PTPRJ: variants seen among roughly 807,000 people sequenced by gnomAD.
PTPRJ encodes protein tyrosine phosphatase receptor type J.
In PTPRJ, 129 loss-of-function variants were observed where a neutral mutation model predicts 141.3. The observed-to-expected ratio is 0.91, with a 90% CI of 0.79 to 1.06. The LOEUF is 1.06. PTPRJ is among the 50% of genes least tolerant of loss of function. The probability of loss-of-function intolerance (pLI) is 0.00; values close to 1 mark genes in which losing one functional copy is unlikely to be tolerated. For synonymous variants in PTPRJ, 610 were observed against 640.5 expected, an observed-to-expected ratio of 0.95 and a Z score of 0.72; for missense variants, 1,601 against 1,679.7, an observed-to-expected ratio of 0.95 and a Z score of 0.82.
At chr11:48,027,756 A>G (rs1853859142) in intron 1 of PTPRJ, among the ~76,000 whole-genome samples, 1 of 127,326 alleles carries the variant, frequency 7.9e-6, no homozygotes, top group Non-Finnish European at 1.5e-5. Flanking sequence ...ATGCCACTGC[A>G]CTCTGGCCTG....
Position 48,112,936 on chromosome 11 carries a change from G to A in PTPRJ, c.305G>A (p.Gly102Glu). ...ANDSLRTPEQ[G>E]SNGTDGASQK... ...GATAGTTTAAGAACACCTGAACAAG[G>A]ATCTAATGGGACTGATGGGGCATCT... Residue 102 changes from glycine (G) to glutamate (E), a missense_variant, in exon 3 of 25, where the codon GGA (glycine) becomes GAA (glutamate). By Grantham distance (98) the Gly-to-Glu change is moderately conservative. Coordinates refer to ENST00000418331, the MANE Select transcript of PTPRJ (RefSeq NM_002843.4). The A allele has an allele frequency of 6.2e-7, 1 of 1,614,192 alleles. No individual in the cohort carries two copies. Among genetic ancestry groups the A allele is most frequent in the Non-Finnish European group, 8.5e-7 (1 of 1,180,036 alleles).
intron 1 of PTPRJ, among the ~76,000 whole-genome samples, chr11:48,020,335 T>A (rs986423373): frequency 6.6e-6 from 1 of 152,204 alleles, no homozygotes; most frequent in African/African-American, 2.4e-5. Flanking sequence ...TTATCTCAGC[T>A]GGTGTTATGA....
Position 48,164,386 on chromosome 11 carries a change from G to T in PTPRJ, c.3726G>T (p.Gly1242=), listed in dbSNP as rs1369475595. 5.6e-6 allele frequency: 9 copies of T among 1,613,854 alleles called. No homozygotes were observed. Among genetic ancestry groups the T allele is most frequent in the Non-Finnish European group, 7.6e-6 (9 of 1,179,938 alleles). Residue 1242 remains glycine (G), a synonymous_variant, in exon 24 of 25, where the codon GGG becomes GGT. Transcript: ENST00000418331. ...TATTTCTCTTTTCTCTCAGTGCTGG[G>T]GTCGGAAGGACGGGCACTTTCATTG... ...ESPILVHCSA[G]VGRTGTFIAI...
At chr11:48,005,839 A>C (rs1002876541) in intron 1 of PTPRJ, among the ~76,000 whole-genome samples, 15 of 152,198 alleles carry the variant, frequency 9.9e-5, no homozygotes, top group African/African-American at 3.6e-4. Context: ...GGACTCTCTG[A>C]GACAGGGTTA....
intron 1 of PTPRJ, among the ~76,000 whole-genome samples, chr11:48,043,715 G>C (rs1565273339): frequency 1.3e-5 from 2 of 152,166 alleles, no homozygotes; most frequent in Non-Finnish European, 2.9e-5. Context: ...AATGGACGGT[G>C]GGATCCTTGA....
At chr11:48,113,424 C>T (rs1688519157) in intron 3 of PTPRJ, among the ~76,000 whole-genome samples, 1 of 152,156 alleles carries the variant, frequency 6.6e-6, no homozygotes, top group Non-Finnish European at 1.5e-5. Flanking sequence ...TAATAATGGT[C>T]CTTGGGCCAA....
rs1309729270 is a variant in PTPRJ at position 48,156,575 on chromosome 11, GGTTTTT to G, written c.3438+457_3438+462del. Among the ~76,000 whole-genome samples the G allele has an allele frequency of 1.1e-3, 134 of 123,498 alleles. 16 individuals carry two copies. The highest frequency in any genetic ancestry group is 3.7e-3 in the African/African-American group (122 of 33,052). 81.0% of individuals were successfully genotyped at this position (123,498 alleles called of 152,430 possible). A position where few individuals can be genotyped will look rare whatever the true frequency, so the allele number is the denominator to read the frequency against. ...TGAACCCCTCCTGCCTCCACCCCAG[GGTTTTT>G]TTTTTTTTTTTTTTTTTTTTTTTTT... On this transcript the variant is annotated intron_variant, in intron 21 of 24. Coordinates refer to ENST00000418331, the MANE Select transcript of PTPRJ (RefSeq NM_002843.4).
chr11:48,156,562 G>T, intron 21 of PTPRJ, among the ~76,000 whole-genome samples: 1 of 148,862 alleles, frequency 6.7e-6, no homozygotes, highest in Non-Finnish European at 1.5e-5. Context: ...AACCCCTCCT[G>T]CCTCCACCCC....
At chr11:48,159,666 G>A (rs968598644) in intron 21 of PTPRJ, among the ~76,000 whole-genome samples, 7 of 152,200 alleles carry the variant, frequency 4.6e-5, no homozygotes, top group Non-Finnish European at 1.0e-4. Flanking sequence ...TGAGGCATGA[G>A]GATTGCTTGA....
At chr11:48,101,211 A>G (rs544872572) in intron 1 of PTPRJ, among the ~76,000 whole-genome samples, 2 of 152,300 alleles carry the variant, frequency 1.3e-5, no homozygotes, top group East Asian at 3.9e-4. Flanking sequence ...GAAAAAATGC[A>G]AGAAGTTAGG....
At position 48,123,741 on chromosome 11, in the gene PTPRJ, T is replaced by G; in HGVS notation, c.745T>G (p.Leu249Val). 5 of 1,613,602 alleles carry G rather than the reference T, an allele frequency of 3.1e-6. No individual in the cohort carries two copies. Among genetic ancestry groups the G allele is most frequent in the Non-Finnish European group, 4.2e-6 (5 of 1,179,904 alleles). ...TGAAAGCATTGGAAGCCATGAGGAG[T>G]TGACTCAAGACTCAAGACTTCAGGT... is the stretch of plus-strand genomic sequence containing the variant. ...LLESIGSHEE[L>V]TQDSRLQVNI... The change falls in exon 5 of 25, where the codon TTG (leucine) becomes GTG (valine). Residue 249 changes from leucine to valine, a missense_variant. Physicochemically the swap from Leu to Val is conservative, Grantham distance 32. Coordinates refer to ENST00000418331, the MANE Select transcript of PTPRJ (RefSeq NM_002843.4).
intron 1 of PTPRJ, among the ~76,000 whole-genome samples, chr11:48,026,318 A>C (rs186298164): frequency 1.3e-5 from 2 of 152,268 alleles, no homozygotes; most frequent in East Asian, 3.9e-4. Flanking sequence ...GGAAAGGGGC[A>C]GTTGGCTGGA....
intron 1 of PTPRJ, among the ~76,000 whole-genome samples, chr11:47,989,940 A>G (rs1422061759): frequency 6.6e-6 from 1 of 152,218 alleles, no homozygotes; most frequent in South Asian, 2.1e-4. Flanking sequence ...AATGCTAATA[A>G]TAGGAGTACC....
intron 1 of PTPRJ, among the ~76,000 whole-genome samples, chr11:48,046,030 C>T (rs1014174881): frequency 6.6e-6 from 1 of 152,066 alleles, no homozygotes; most frequent in African/African-American, 2.4e-5. Flanking sequence ...CCGGGTTGAG[C>T]ACAGTTCCAT....
intron 3 of PTPRJ, among the ~76,000 whole-genome samples, chr11:48,119,251 C>T (rs1186083130): frequency 6.6e-6 from 1 of 152,128 alleles, no homozygotes; most frequent in Non-Finnish European, 1.5e-5. Flanking sequence ...TCCAAATATG[C>T]CACTCTGACT....
rs71045547 is a variant in PTPRJ, at chr11:48,131,070, ATTTTTTTTTTT to A, written c.1615+371_1615+381del. On this transcript the variant is annotated intron_variant, in intron 8 of 24. Transcript: ENST00000418331. ...CACACACATATATATATATATATAT[ATTTTTTTTTTT>A]TTTTTTTTTTTTTTTTGAGACAGTC... 5.8e-3 allele frequency among the ~76,000 whole-genome samples: 271 copies of A among 46,552 alleles called. 1 individual carries two copies. The highest frequency in any genetic ancestry group is 0.018 in the African/African-American group (260 of 14,636). 30.5% of individuals were successfully genotyped at this position (46,552 alleles called of 152,430 possible). A position where few individuals can be genotyped will look rare whatever the true frequency, so the allele number is the denominator to read the frequency against.
intron 1 of PTPRJ, among the ~76,000 whole-genome samples, chr11:48,092,861 T>A (rs1855907009): frequency 6.6e-6 from 1 of 152,242 alleles, no homozygotes; most frequent in Non-Finnish European, 1.5e-5. Flanking sequence ...TTCCATGTCT[T>A]GGCTATTGTG....
intron 1 of PTPRJ, among the ~76,000 whole-genome samples, chr11:48,018,626 A>G (rs1590407633): frequency 6.6e-6 from 1 of 152,256 alleles, no homozygotes; most frequent in East Asian, 1.9e-4. Context: ...TCACAAGAGA[A>G]GCAGTTTCAG....
Position 48,162,890 on chromosome 11 carries a change from C to T in PTPRJ, c.3559-568C>T, listed in dbSNP as rs566097920. Among the ~76,000 whole-genome samples, 8 of 152,324 alleles carry T rather than the reference C, an allele frequency of 5.3e-5. No homozygotes were observed. In the South Asian group the frequency reaches 1.7e-3, roughly 32 times the overall value. ...GTTTTTTGGGGGAGTCCTTTCTCAG[C>T]TCTCTCCAATTCTAAATATTTGCAT... On this transcript the variant is annotated intron_variant, in intron 22 of 24. Transcript: ENST00000418331.
Sources: gnomAD v4.1 joint callset for allele counts (sites outside exome capture counted in the v4.1 genomes callset) on GRCh38, gnomAD v4.1.1 for gene constraint, MANE v1.5 for transcripts, NCBI Gene and HGNC (gene_info 2026-07-23, HGNC 2026-07-21) for gene names.